The following GPM6A variants were observed in gnomAD, a reference collection of about 807,000 sequenced individuals.
GPM6A encodes neuronal membrane glycoprotein M6-a.
GPM6A carries 7 observed loss-of-function variants against 32.1 expected under a neutral mutation model. The observed-to-expected ratio is 0.22, with a 90% CI of 0.12 to 0.41. The LOEUF (loss-of-function observed/expected upper bound fraction) is 0.41. GPM6A is among the 10% of genes least tolerant of loss of function. GPM6A has a pLI of 1.00. For missense variants in GPM6A, 235 were observed against 347.2 expected (o/e 0.68, Z 2.57); for synonymous variants, 130 against 123.4 (o/e 1.05, Z -0.35).
chr4:175,821,516 C>T (rs544414003), intron 1 of GPM6A, among the ~76,000 whole-genome samples: 3 of 152,018 alleles, frequency 2.0e-5, no homozygotes, highest in Admixed American at 2.0e-4. Context: ...ATTTATTGAA[C>T]TTAAATTAAC....
intron 1 of GPM6A, among the ~76,000 whole-genome samples, chr4:175,781,051 T>C (rs1170801403): frequency 6.6e-6 from 1 of 151,704 alleles, no homozygotes; most frequent in Admixed American, 6.6e-5. Flanking sequence ...AATACATAGT[T>C]CATCACCAAC....
intron 1 of GPM6A, among the ~76,000 whole-genome samples, chr4:175,711,722 G>C (rs1187248059): frequency 8.1e-6 from 1 of 122,990 alleles, no homozygotes; most frequent in Non-Finnish European, 1.7e-5. Flanking sequence ...GTTTGGGTGG[G>C]GGGTGGGGAG....
chr4:175,834,881 C>CT (rs1735717377), intron 1 of GPM6A, among the ~76,000 whole-genome samples: 1 of 152,158 alleles, frequency 6.6e-6, no homozygotes, highest in Non-Finnish European at 1.5e-5. Context: ...AAGTGTATTT[C>CT]TTTTCATCCC....
intron 1 of GPM6A, among the ~76,000 whole-genome samples, chr4:175,725,856 A>G (rs1002793506): frequency 2.6e-5 from 4 of 152,196 alleles, no homozygotes; most frequent in African/African-American, 9.6e-5. Context: ...TCATTGGAGT[A>G]GATGCAAACC....
chr4:175,673,905 C>T (rs1743221657), intron 2 of GPM6A, 69 bp from the exon 3 acceptor site: 1 of 976,892 alleles, frequency 1.0e-6, no homozygotes. Context: ...TTGATTCTCA[C>T]ATGCTCATGA....
intron 1 of GPM6A, among the ~76,000 whole-genome samples, chr4:175,968,109 T>C (rs1026136793): frequency 2.0e-5 from 3 of 151,150 alleles, no homozygotes; most frequent in South Asian, 2.1e-4. Context: ...AGCGTAGTAA[T>C]AGAACTACAC....
At chr4:175,786,246 C>T (rs1259744492) in intron 1 of GPM6A, among the ~76,000 whole-genome samples, 1 of 151,236 alleles carries the variant, frequency 6.6e-6, no homozygotes, top group Non-Finnish European at 1.5e-5. Context: ...GGTAGAGACA[C>T]TTACAAATAA....
At chr4:175,942,976 T>C (rs1561004571) in intron 1 of GPM6A, among the ~76,000 whole-genome samples, 1 of 152,240 alleles carries the variant, frequency 6.6e-6, no homozygotes, top group Non-Finnish European at 1.5e-5. Flanking sequence ...TTGGGCAGTT[T>C]GGCCATTTTC....
chr4:175,840,392 T>C (rs1735897748), intron 1 of GPM6A, among the ~76,000 whole-genome samples: 1 of 152,190 alleles, frequency 6.6e-6, no homozygotes, highest in Admixed American at 6.5e-5. Flanking sequence ...ATAAAATAAA[T>C]GCAGTCCGGG....
intron 1 of GPM6A, among the ~76,000 whole-genome samples, chr4:175,862,488 T>G (rs1242848153): frequency 3.3e-5 from 5 of 152,264 alleles, no homozygotes; most frequent in African/African-American, 4.8e-5. Flanking sequence ...TGCTGAGCAG[T>G]GTTCTCATTG....
intron 1 of GPM6A, among the ~76,000 whole-genome samples, chr4:175,910,409 C>T (rs1738277327): frequency 6.6e-6 from 1 of 152,134 alleles, no homozygotes. Flanking sequence ...TTATCTTCTT[C>T]GTCCCCTCCT....
intron 1 of GPM6A, among the ~76,000 whole-genome samples, chr4:175,893,606 G>T (rs752327394): frequency 6.6e-6 from 1 of 151,700 alleles, no homozygotes; most frequent in Non-Finnish European, 1.5e-5. Flanking sequence ...TTCTTTCCTC[G>T]GCCAGTTTTT....
intron 1 of GPM6A, among the ~76,000 whole-genome samples, chr4:175,806,309 A>G (rs1367039881): frequency 1.3e-5 from 2 of 152,208 alleles, no homozygotes; most frequent in African/African-American, 4.8e-5. Flanking sequence ...CACTATCAAT[A>G]TCTATCTATC....
intron 1 of GPM6A, among the ~76,000 whole-genome samples, chr4:175,725,595 T>C (rs1173343944): frequency 6.6e-6 from 1 of 152,124 alleles, no homozygotes; most frequent in Non-Finnish European, 1.5e-5. Context: ...CCTAATCCCA[T>C]TTTCTTATGC....
chr4:175,798,371 T>C (rs1430608098), intron 1 of GPM6A, among the ~76,000 whole-genome samples: 1 of 152,210 alleles, frequency 6.6e-6, no homozygotes, highest in African/African-American at 2.4e-5. Flanking sequence ...AATTCACCTA[T>C]TTAAGGCTAA....
chr4:175,705,098 G>A (rs991117374), intron 1 of GPM6A, among the ~76,000 whole-genome samples: 2 of 152,170 alleles, frequency 1.3e-5, no homozygotes, highest in Non-Finnish European at 2.9e-5. Context: ...GGGGGATACT[G>A]GAGTTCTGCA....
At chr4:175,815,718 CTTTTTT>C (rs60711329), upstream of GPM6A, among the ~76,000 whole-genome samples, 2 of 127,118 alleles carry the variant, frequency 1.6e-5, no homozygotes, top group African/African-American at 6.0e-5. Flanking sequence ...TTTTTCTTTT[CTTTTTT>C]TTTTTTTTTT....
intron 1 of GPM6A, among the ~76,000 whole-genome samples, chr4:175,931,858 G>A (rs1405578452): frequency 6.6e-6 from 1 of 152,048 alleles, no homozygotes; most frequent in Non-Finnish European, 1.5e-5. Flanking sequence ...GCCAAGATGG[G>A]AGGTTCACTT....
chr4:175,978,803 G>C (rs1232160560), intron 1 of GPM6A, among the ~76,000 whole-genome samples: 1 of 151,732 alleles, frequency 6.6e-6, no homozygotes, highest in Non-Finnish European at 1.5e-5. Flanking sequence ...AATAGCCCTA[G>C]TTTTTAAAAG....
Sources: allele counts gnomAD v4.1 joint callset (sites outside exome capture counted in the v4.1 genomes callset), GRCh38; gene constraint gnomAD v4.1.1; transcripts MANE v1.5; gene names NCBI Gene and HGNC (gene_info 2026-07-23, HGNC 2026-07-21).